AGBL4: variants seen among roughly 807,000 people sequenced by gnomAD.
AGBL4 encodes AGBL carboxypeptidase 4.
Under a neutral mutation model 66.4 loss-of-function variants are expected in AGBL4, and 58 were observed. The observed-to-expected ratio is 0.87, with a 90% confidence interval of 0.71 to 1.09. The LOEUF (loss-of-function observed/expected upper bound fraction) is 1.09, where lower values mean the gene tolerates loss of function less well. Among genes scored for constraint, AGBL4 ranks in the 50% least tolerant of loss-of-function variants. The pLI is 0.00. For synonymous variants in AGBL4, 234 were observed against 222.9 expected, an observed-to-expected ratio of 1.05 and a Z score of -0.44; for missense variants, 579 against 631.0, an observed-to-expected ratio of 0.92 and a Z score of 0.88.
intron 3 of AGBL4, among the ~76,000 whole-genome samples, chr1:49,330,478 C>T (rs1645310347): frequency 6.6e-6 from 1 of 152,206 alleles, no homozygotes; most frequent in South Asian, 2.1e-4. Context: ...GACATAAAAG[C>T]ATTTAAATGA....
chr1:49,948,570 T>G (rs781199609), intron 1 of AGBL4, among the ~76,000 whole-genome samples: 47,305 of 109,146 alleles, frequency 0.43, 11,533 homozygotes, highest in Non-Finnish European at 0.57. Flanking sequence ...TAAAAATATA[T>G]ATATATATAT....
At chr1:48,759,787 TC>T (rs1644157640) in intron 6 of AGBL4, among the ~76,000 whole-genome samples, 1 of 152,212 alleles carries the variant, frequency 6.6e-6, no homozygotes, top group Non-Finnish European at 1.5e-5. Flanking sequence ...AAACTTTTCA[TC>T]GACAATGCTT....
At chr1:49,157,410 C>A (rs498824) in intron 4 of AGBL4, among the ~76,000 whole-genome samples, 102,685 of 151,974 alleles carry the variant, frequency 0.68, 35,330 homozygotes, top group African/African-American at 0.75. Flanking sequence ...AAGGACATGA[C>A]CTCATCCTTT....
At chr1:49,263,465 T>C (rs1398716554) in intron 3 of AGBL4, among the ~76,000 whole-genome samples, 1 of 151,422 alleles carries the variant, frequency 6.6e-6, no homozygotes, top group Non-Finnish European at 1.5e-5. Flanking sequence ...CAATAGAAAA[T>C]AGGCCAAGCA....
chr1:48,914,728 A>G (rs1010484989), intron 5 of AGBL4, among the ~76,000 whole-genome samples: 1 of 152,196 alleles, frequency 6.6e-6, no homozygotes, highest in African/African-American at 2.4e-5. Context: ...AGATGAGGAA[A>G]GTCAAGCACT....
At chr1:49,315,142 G>C (rs1160323782) in intron 3 of AGBL4, among the ~76,000 whole-genome samples, 1 of 152,194 alleles carries the variant, frequency 6.6e-6, no homozygotes, top group African/African-American at 2.4e-5. Context: ...AAGCAATGGG[G>C]AAAGCTTTGC....
At chr1:49,794,619 A>G (rs1201687922) in intron 2 of AGBL4, among the ~76,000 whole-genome samples, 1 of 151,966 alleles carries the variant, frequency 6.6e-6, no homozygotes, top group Non-Finnish European at 1.5e-5. Flanking sequence ...CTCTGTTATA[A>G]TACATTGGAT....
intron 3 of AGBL4, among the ~76,000 whole-genome samples, chr1:49,510,341 G>A (rs1341722575): frequency 6.6e-6 from 1 of 151,624 alleles, no homozygotes; most frequent in Non-Finnish European, 1.5e-5. Flanking sequence ...CAGTGATGGT[G>A]AGCATTTTTT....
chr1:48,938,791 T>A (rs1187459123), intron 5 of AGBL4, among the ~76,000 whole-genome samples: 1 of 152,158 alleles, frequency 6.6e-6, no homozygotes, highest in African/African-American at 2.4e-5. Flanking sequence ...CCTTAATTAA[T>A]CTCCCCAAAG....
chr1:48,985,484 A>AC (rs1164619849), intron 5 of AGBL4, among the ~76,000 whole-genome samples: 4 of 152,152 alleles, frequency 2.6e-5, no homozygotes, highest in Non-Finnish European at 5.9e-5. Context: ...TGGTACTCAC[A>AC]CAGGGCTAAG....
intron 4 of AGBL4, among the ~76,000 whole-genome samples, chr1:49,128,038 C>CAT (rs2148060310): frequency 6.6e-6 from 1 of 151,644 alleles, no homozygotes; most frequent in South Asian, 2.1e-4. Context: ...ATGAAATTAG[C>CAT]ATATAAAAAC....
chr1:48,528,584 C>A (rs1041060675), downstream of AGBL4, among the ~76,000 whole-genome samples: 1 of 151,930 alleles, frequency 6.6e-6, no homozygotes, highest in Non-Finnish European at 1.5e-5. Context: ...GGGTCCACAT[C>A]CTGTCCTAGT....
intron 1 of AGBL4, among the ~76,000 whole-genome samples, chr1:49,962,889 A>T (rs1313413581): frequency 2.6e-5 from 4 of 152,186 alleles, no homozygotes; most frequent in African/African-American, 9.6e-5. Flanking sequence ...AGATAAATTG[A>T]TTAAATCAAG....
chr1:49,429,852 T>TA lies in AGBL4; in HGVS notation c.283-183989_283-183988insT, dbSNP rs544197381. The stretch of plus-strand genomic sequence containing the variant: ...AGTATTTGCAGTTCTTTGAATATAT[T>TA]TTTTTTTTTTTTTTGAGACAGAGTC... On this transcript the variant is annotated intron_variant, in intron 3 of 13. Transcript: ENST00000371839. Among the ~76,000 whole-genome samples, 49 of 131,574 alleles carry TA rather than the reference T, an allele frequency of 3.7e-4. 1 individual carries two copies. The South Asian group carries it at 0.01, about 28-fold the overall frequency. 86.3% of individuals were successfully genotyped at this position (131,574 alleles called of 152,430 possible). A position where few individuals can be genotyped will look rare whatever the true frequency, so the allele number is the denominator to read the frequency against.
At chr1:49,269,861 T>A (rs1644016180) in intron 3 of AGBL4, among the ~76,000 whole-genome samples, 1 of 152,202 alleles carries the variant, frequency 6.6e-6, no homozygotes. Context: ...TCAAAGAAGC[T>A]TTAGAGAGTG....
chr1:49,972,423 T>C (rs1322415374), intron 1 of AGBL4, among the ~76,000 whole-genome samples: 1 of 152,158 alleles, frequency 6.6e-6, no homozygotes, highest in East Asian at 1.9e-4. Flanking sequence ...ACCTGTGGTA[T>C]TTGATATTTT....
At chr1:48,851,908 G>C (rs1454116922) in intron 6 of AGBL4, among the ~76,000 whole-genome samples, 3 of 127,994 alleles carry the variant, frequency 2.3e-5, no homozygotes, top group African/African-American at 8.4e-5. Flanking sequence ...AAGTTATTGA[G>C]AAAAATAAAA....
intron 4 of AGBL4, among the ~76,000 whole-genome samples, chr1:49,103,675 T>C (rs13374110): frequency 1.4e-4 from 21 of 152,270 alleles, no homozygotes; most frequent in African/African-American, 4.1e-4. Flanking sequence ...CAAATCCTTA[T>C]GGAATAGGTA....
chr1:49,933,941 C>T lies in AGBL4; in HGVS notation c.35-82423G>A, dbSNP rs12094508. 4.4e-3 allele frequency among the ~76,000 whole-genome samples: 667 copies of T among 152,090 alleles called. 9 individuals carry two copies. The highest frequency in any genetic ancestry group is 0.015 in the African/African-American group (625 of 41,502). On this transcript the variant is annotated intron_variant, in intron 1 of 13. Coordinates refer to ENST00000371839, the MANE Select transcript of AGBL4 (RefSeq NM_032785.4). The stretch of plus-strand genomic sequence containing the variant: ...AATTACTTTAACATAAATTAAACTC[C>T]CCAGTCAAAACACATACAATGGCTG...
Sources: gnomAD v4.1 joint callset for allele counts (sites outside exome capture counted in the v4.1 genomes callset) on GRCh38, gnomAD v4.1.1 for gene constraint, MANE v1.5 for transcripts, NCBI Gene and HGNC (gene_info 2026-07-23, HGNC 2026-07-21) for gene names.